The following PSMA6 variants were observed in gnomAD, a reference collection of about 807,000 sequenced individuals.
PSMA6 encodes the protein proteasome subunit alpha type-6.
For missense variants in PSMA6, 170 were observed against 294.8 expected (o/e 0.58, Z 3.10); for synonymous variants, 88 against 97.7 (o/e 0.90, Z 0.59).
At chr14:35,283,560 T>G (rs1353630934) in intron 1 of PSMA6, among the ~76,000 whole-genome samples, 1 of 151,036 alleles carries the variant, frequency 6.6e-6, no homozygotes, top group Non-Finnish European at 1.5e-5. Flanking sequence ...CTCTTTTTTT[T>G]TTTTTTTTTT....
At chr14:35,297,668 A>G (rs911671614) in intron 1 of PSMA6, among the ~76,000 whole-genome samples, 11 of 152,202 alleles carry the variant, frequency 7.2e-5, no homozygotes, top group Non-Finnish European at 1.5e-5. Flanking sequence ...ATTTCTAATA[A>G]TTGGTAGGAC....
At chr14:35,303,909 C>CTT (rs59394747) in intron 1 of PSMA6, among the ~76,000 whole-genome samples, 3 of 141,854 alleles carry the variant, frequency 2.1e-5, no homozygotes, top group African/African-American at 7.7e-5. Flanking sequence ...TAATTTCTTT[C>CTT]TTTTTTTTTT....
At chr14:35,312,506 CAAAAAAAA>C (rs200184285) in intron 4 of PSMA6, among the ~76,000 whole-genome samples, 80 of 100,246 alleles carry the variant, frequency 8.0e-4, no homozygotes, top group African/African-American at 3.9e-3. Flanking sequence ...GAGTCTGTCT[CAAAAAAAA>C]AAAAAAAAAA....
chr14:35,314,065 C>T (rs902485172), intron 5 of PSMA6: 1 of 173,638 alleles, frequency 5.8e-6, no homozygotes, highest in Non-Finnish European at 1.2e-5. Flanking sequence ...TATCCTTTTC[C>T]CATTTCACCC....
At chr14:35,314,691 A>G (rs898357031) in intron 6 of PSMA6, 9 of 321,152 alleles carry the variant, frequency 2.8e-5, no homozygotes, top group Non-Finnish European at 4.6e-5. Context: ...AACACCAGAG[A>G]TGACATAAAG....
At chr14:35,282,549 TGC>T (rs1197859941) in intron 1 of PSMA6, among the ~76,000 whole-genome samples, 1 of 152,078 alleles carries the variant, frequency 6.6e-6, no homozygotes, top group African/African-American at 2.4e-5. Context: ...GATGAGCCAT[TGC>T]ACCTAACCTA....
chr14:35,307,772 G>A (rs567191239), intron 1 of PSMA6, among the ~76,000 whole-genome samples: 1 of 152,202 alleles, frequency 6.6e-6, no homozygotes, highest in South Asian at 2.1e-4. Context: ...GGGTGCATCA[G>A]CTTAATGAAA....
chr14:35,282,025 C>G (rs769914901), intron 1 of PSMA6, among the ~76,000 whole-genome samples: 2 of 152,184 alleles, frequency 1.3e-5, no homozygotes, highest in African/African-American at 2.4e-5. Context: ...CAAAACTGTG[C>G]TTTCCCAGGG....
In PSMA6 at chr14:35,317,198, T is replaced by G. The variant is rs777498199; in HGVS notation, c.684-51T>G. ...TATACTATCCCACTTTTACGTGTGT[T>G]TGAAAAAATTTTTTTTAAATCGTTG... On this transcript the variant is annotated intron_variant, in intron 6 of 6. Transcript: ENST00000261479. 7.3e-6 allele frequency: 11 copies of G among 1,502,542 alleles called. No individual in the cohort carries two copies. In the African/African-American group the frequency reaches 1.2e-4, roughly 17 times the overall value. The allele number at this position is 1,502,542 out of a possible 1,614,324, so 93.1% of individuals were successfully genotyped here.
intron 1 of PSMA6, among the ~76,000 whole-genome samples, chr14:35,295,886 G>T (rs2051577608): frequency 6.6e-6 from 1 of 152,222 alleles, no homozygotes. Context: ...GAGGTGCATT[G>T]TAGGGGGAAT....
chr14:35,304,590 C>T (rs1193237456), intron 1 of PSMA6, among the ~76,000 whole-genome samples: 4 of 152,008 alleles, frequency 2.6e-5, no homozygotes, highest in South Asian at 2.1e-4. Context: ...ATTAGCTGGG[C>T]GTGGTTGTGC....
At chr14:35,279,854 G>T (rs544612703) in intron 1 of PSMA6, among the ~76,000 whole-genome samples, 11 of 152,278 alleles carry the variant, frequency 7.2e-5, no homozygotes, top group African/African-American at 2.6e-4. Context: ...GCCGGGCGTG[G>T]TGGCTCACGC....
upstream of PSMA6, chr14:35,292,289 C>A: frequency 7.1e-7 from 1 of 1,415,662 alleles, no homozygotes; most frequent in Admixed American, 3.2e-5. Context: ...CCACCACCCC[C>A]TTAGGGGGCG....
intron 3 of PSMA6, among the ~76,000 whole-genome samples, chr14:35,309,440 A>AAG (rs1286443043): frequency 1.3e-5 from 2 of 152,150 alleles, no homozygotes; most frequent in Non-Finnish European, 2.9e-5. Context: ...GTTTAAGACC[A>AAG]AGAGTTCAAA....
chr14:35,280,374 CTTTTTTT>C (rs547704339), intron 1 of PSMA6, among the ~76,000 whole-genome samples: 1 of 140,544 alleles, frequency 7.1e-6, no homozygotes, highest in Non-Finnish European at 1.6e-5. Context: ...CTCATTGTTT[CTTTTTTT>C]TTTTTTTTTC....
intron 4 of PSMA6, among the ~76,000 whole-genome samples, chr14:35,311,624 T>C (rs909140173): frequency 6.6e-6 from 1 of 152,210 alleles, no homozygotes; most frequent in African/African-American, 2.4e-5. Flanking sequence ...TTTGTATATA[T>C]CAAATATAAG....
chr14:35,292,605 G>C (rs1356485073), intron 1 of PSMA6, 53 bp downstream of exon 1: 3 of 1,591,716 alleles, frequency 1.9e-6, no homozygotes, highest in East Asian at 4.5e-5. Context: ...GTCATGGTAC[G>C]TGCCTGGAGC....
At chr14:35,306,957 G>GC (rs2051839353) in intron 1 of PSMA6, among the ~76,000 whole-genome samples, 1 of 152,072 alleles carries the variant, frequency 6.6e-6, no homozygotes. Flanking sequence ...CACCAGCCTG[G>GC]CCAACGTGGT....
chr14:35,302,277 G>A (rs1047269531), intron 1 of PSMA6, among the ~76,000 whole-genome samples: 2 of 152,106 alleles, frequency 1.3e-5, no homozygotes, highest in Non-Finnish European at 2.9e-5. Context: ...TGTCCAGGCT[G>A]GTCTTAAACT....
Sources: allele counts gnomAD v4.1 joint callset (sites outside exome capture counted in the v4.1 genomes callset), GRCh38; gene constraint gnomAD v4.1.1; transcripts MANE v1.5; gene names NCBI Gene and HGNC (gene_info 2026-07-23, HGNC 2026-07-21).